Variants in SGCD observed in about 807,000 individuals in gnomAD.
SGCD encodes sarcoglycan delta.
SGCD carries 18 observed loss-of-function variants against 36.6 expected under a neutral mutation model. The ratio of observed to expected loss-of-function variants is 0.49; its 90% CI spans 0.34 to 0.73. SGCD has a LOEUF of 0.73. SGCD is among the 30% of genes least tolerant of loss of function. The probability of loss-of-function intolerance (pLI) is 0.01; values close to 1 mark genes in which losing one functional copy is unlikely to be tolerated. For missense variants in SGCD, 387 were observed against 346.7 expected, an observed-to-expected ratio of 1.12 and a Z score of -0.92; for synonymous variants, 133 against 130.6, an observed-to-expected ratio of 1.02 and a Z score of -0.12.
intron 3 of SGCD, among the ~76,000 whole-genome samples, chr5:156,361,303 A>G (rs896552264): frequency 1.3e-5 from 2 of 152,226 alleles, no homozygotes; most frequent in Non-Finnish European, 2.9e-5. Flanking sequence ...TGATGTGCAC[A>G]TACATGTGAT....
At chr5:155,853,440 C>A in the SGCD span, among the ~76,000 whole-genome samples, 4 of 152,104 alleles carry the variant, frequency 2.6e-5, no homozygotes, top group Admixed American at 2.6e-4. Flanking sequence ...TCTCTGCTTA[C>A]ACCTTCTAAC....
At chr5:156,254,959 G>A (rs1561586472) in intron 3 of SGCD, among the ~76,000 whole-genome samples, 1 of 152,124 alleles carries the variant, frequency 6.6e-6, no homozygotes, top group African/African-American at 2.4e-5. Flanking sequence ...TCCATAATCT[G>A]CAACTTTTTG....
At chr5:156,645,674 G>T (rs1159702701) in intron 6 of SGCD, among the ~76,000 whole-genome samples, 1 of 151,952 alleles carries the variant, frequency 6.6e-6, no homozygotes, top group Non-Finnish European at 1.5e-5. Context: ...CCCTTACTCA[G>T]TCACCCCTCC....
At position 156,740,585 on chromosome 5, in the gene SGCD, G is replaced by A. The variant is rs2113078032; in HGVS notation, c.576-16996G>A. Among the ~76,000 whole-genome samples the A allele has an allele frequency of 1.3e-5, 2 of 152,272 alleles. 1 individual carries two copies. The highest frequency in any genetic ancestry group is 4.1e-4 in the South Asian group (2 of 4,828). ...GCACTGTAGATCTTTATTTTATCAA[G>A]TATGTTAATTTAGCTATTGGGGTTT... On this transcript the variant is annotated intron_variant, in intron 7 of 8. Transcript: ENST00000337851.
chr5:156,125,290 C>T (rs1411929227), intron 3 of SGCD, among the ~76,000 whole-genome samples: 2 of 152,156 alleles, frequency 1.3e-5, no homozygotes, highest in Admixed American at 6.5e-5. Context: ...ATGTCATGCA[C>T]GTGCCAGATA....
intron 6 of SGCD, among the ~76,000 whole-genome samples, chr5:156,607,891 A>G (rs913655654): frequency 2.0e-5 from 3 of 152,000 alleles, no homozygotes; most frequent in Non-Finnish European, 2.9e-5. Flanking sequence ...CGGTGGTGAT[A>G]TCCCCTTTAT....
At chr5:156,527,748 A>C (rs1322681086) in intron 4 of SGCD, among the ~76,000 whole-genome samples, 1 of 152,182 alleles carries the variant, frequency 6.6e-6, no homozygotes, top group African/African-American at 2.4e-5. Flanking sequence ...CTGGAAGCTG[A>C]GCTGCTGTGG....
the SGCD span, among the ~76,000 whole-genome samples, chr5:155,830,533 G>A: frequency 2.6e-5 from 4 of 152,116 alleles, no homozygotes; most frequent in Non-Finnish European, 4.4e-5. Context: ...TTGAACCAGC[G>A]TATTCAGCTC....
chr5:155,999,628 T>A (rs1357371221), intron 1 of SGCD, among the ~76,000 whole-genome samples: 1 of 152,094 alleles, frequency 6.6e-6, no homozygotes, highest in Non-Finnish European at 1.5e-5. Flanking sequence ...AAGGCCTCAT[T>A]AGAGCTTAAC....
intron 1 of SGCD, among the ~76,000 whole-genome samples, chr5:155,984,495 C>G (rs1032533852): frequency 2.0e-5 from 3 of 152,158 alleles, no homozygotes; most frequent in African/African-American, 7.2e-5. Flanking sequence ...ATAAATAATT[C>G]CTTTCGTTCT....
intron 3 of SGCD, among the ~76,000 whole-genome samples, chr5:156,225,834 A>G (rs967978800): frequency 2.0e-5 from 3 of 152,080 alleles, no homozygotes; most frequent in African/African-American, 7.2e-5. Flanking sequence ...AAAACCTTAA[A>G]GGTTAAGAGA....
the SGCD span, among the ~76,000 whole-genome samples, chr5:155,859,533 C>T: frequency 3.9e-5 from 6 of 152,282 alleles, no homozygotes; most frequent in East Asian, 7.7e-4. Flanking sequence ...GGCCCCTTTG[C>T]AGTCAATCTT....
chr5:156,544,524 A>C (rs1252806486), intron 4 of SGCD, among the ~76,000 whole-genome samples: 2 of 152,168 alleles, frequency 1.3e-5, no homozygotes, highest in African/African-American at 4.8e-5. Context: ...TGGCAGCAGC[A>C]AACAGACTAG....
chr5:155,924,423 A>G (rs1756953172), intron 1 of SGCD, among the ~76,000 whole-genome samples: 1 of 152,206 alleles, frequency 6.6e-6, no homozygotes, highest in South Asian at 2.1e-4. Flanking sequence ...CTTCTCTTCC[A>G]CATCTATTTT....
At chr5:156,160,666 T>A (rs911951906) in intron 3 of SGCD, among the ~76,000 whole-genome samples, 2 of 151,730 alleles carry the variant, frequency 1.3e-5, no homozygotes, top group Admixed American at 1.3e-4. Flanking sequence ...CTCTATAGCA[T>A]TTACGCCTTT....
intron 3 of SGCD, among the ~76,000 whole-genome samples, chr5:156,288,524 A>G (rs1766674990): frequency 6.6e-6 from 1 of 152,142 alleles, no homozygotes; most frequent in Non-Finnish European, 1.5e-5. Context: ...GTTTGTCCAA[A>G]AGAGAACCAA....
At position 156,295,313 on chromosome 5, in the gene SGCD, C is replaced by T. The variant is rs185597839; in HGVS notation, c.-43-34221C>T. 2.4e-4 allele frequency among the ~76,000 whole-genome samples: 37 copies of T among 152,172 alleles called. No homozygotes were observed. The South Asian group carries it at 4.4e-3, about 18-fold the overall frequency. On this transcript the variant is annotated intron_variant, in intron 3 of 9. Transcript: ENST00000517913. ...ATTTCTGTAGCATTTGTACGTACCA[C>T]TTTTATTTTTATTTTAGAAATTTGA...
intron 3 of SGCD, among the ~76,000 whole-genome samples, chr5:156,502,906 C>A (rs1197087213): frequency 2.0e-5 from 3 of 152,018 alleles, no homozygotes; most frequent in Non-Finnish European, 2.9e-5. Context: ...GAAATAGAGG[C>A]CAGTAACAAA....
At chr5:156,228,322 A>G (rs1367685192) in intron 3 of SGCD, among the ~76,000 whole-genome samples, 3 of 152,082 alleles carry the variant, frequency 2.0e-5, no homozygotes, top group Non-Finnish European at 4.4e-5. Context: ...TGGGATCTCC[A>G]GTGTTAGGTG....
Sources: gnomAD v4.1 joint callset for allele counts (sites outside exome capture counted in the v4.1 genomes callset) on GRCh38, gnomAD v4.1.1 for gene constraint, MANE v1.5 for transcripts, NCBI Gene and HGNC (gene_info 2026-07-23, HGNC 2026-07-21) for gene names.